ARL15: variants seen among roughly 807,000 people sequenced by gnomAD.
ARL15 encodes ARF like GTPase 15.
ARL15 carries 19 observed loss-of-function variants against 25.2 expected under a neutral mutation model. The ratio of observed to expected loss-of-function variants is 0.75; its 90% confidence interval spans 0.53 to 1.10. The LOEUF (loss-of-function observed/expected upper bound fraction) is 1.10. Ranked by LOEUF, ARL15 falls within the 50% of genes least tolerant of loss-of-function variation. The pLI is 0.00. For synonymous variants in ARL15, 94 were observed against 86.8 expected (o/e 1.08, Z -0.46); for missense variants, 220 against 246.0 (o/e 0.89, Z 0.71).
intron 4 of ARL15, among the ~76,000 whole-genome samples, chr5:54,031,786 T>G (rs1749993769): frequency 1.3e-5 from 2 of 152,072 alleles, no homozygotes; most frequent in South Asian, 4.2e-4. Context: ...TAAATGCAGT[T>G]TCCCCATGAC....
chr5:54,285,307 G>A (rs1007864918), intron 1 of ARL15: 1 of 831,788 alleles, frequency 1.2e-6, no homozygotes, highest in Non-Finnish European at 1.4e-6. Context: ...GACAGAAAAA[G>A]AATACTAAAT....
At chr5:54,144,816 C>T (rs1369848859) in intron 3 of ARL15, among the ~76,000 whole-genome samples, 1 of 152,152 alleles carries the variant, frequency 6.6e-6, no homozygotes, top group Non-Finnish European at 1.5e-5. Flanking sequence ...GGGTCTAGCA[C>T]CCACACTCAA....
intron 4 of ARL15, among the ~76,000 whole-genome samples, chr5:53,918,859 G>A (rs1299996928): frequency 6.6e-6 from 1 of 151,648 alleles, no homozygotes; most frequent in African/African-American, 2.4e-5. Context: ...ATTTTCGAAG[G>A]TCCATTAAAC....
chr5:54,089,840 G>T (rs1752080874), intron 4 of ARL15, among the ~76,000 whole-genome samples: 1 of 152,084 alleles, frequency 6.6e-6, no homozygotes, highest in Non-Finnish European at 1.5e-5. Context: ...AAAAGTCTAG[G>T]TTTTCTGGCT....
intron 1 of ARL15, among the ~76,000 whole-genome samples, chr5:54,298,711 T>C (rs139127796): frequency 6.6e-6 from 1 of 152,112 alleles, no homozygotes; most frequent in African/African-American, 2.4e-5. Context: ...CTGACACGAA[T>C]TCAGTGGTCA....
chr5:54,016,734 T>G (rs910237171), intron 4 of ARL15, among the ~76,000 whole-genome samples: 3 of 152,238 alleles, frequency 2.0e-5, no homozygotes, highest in Admixed American at 1.3e-4. Flanking sequence ...CTTACCTCAG[T>G]ACAGTCTATG....
chr5:54,072,770 A>T (rs1172559520), intron 4 of ARL15, among the ~76,000 whole-genome samples: 2 of 152,170 alleles, frequency 1.3e-5, no homozygotes, highest in Non-Finnish European at 2.9e-5. Context: ...ATGTATCAAA[A>T]TTTCCTTTTC....
intron 3 of ARL15, among the ~76,000 whole-genome samples, chr5:54,152,316 C>T (rs1754090462): frequency 6.6e-6 from 1 of 152,120 alleles, no homozygotes; most frequent in African/African-American, 2.4e-5. Context: ...CTAGCATACA[C>T]GTTAACTCCT....
At chr5:53,975,452 G>T (rs1459434973) in intron 4 of ARL15, among the ~76,000 whole-genome samples, 2 of 152,190 alleles carry the variant, frequency 1.3e-5, no homozygotes, top group Non-Finnish European at 2.9e-5. Flanking sequence ...AGTTCTCAAG[G>T]ATCTTGGCCT....
At chr5:54,287,228 G>C (rs250384) in intron 1 of ARL15, among the ~76,000 whole-genome samples, 42,097 of 151,714 alleles carry the variant, frequency 0.28, 7,052 homozygotes, top group African/African-American at 0.48. Flanking sequence ...GTTAAGTATA[G>C]AAACATAAAG....
intron 4 of ARL15, among the ~76,000 whole-genome samples, chr5:53,890,143 A>G (rs963576720): frequency 6.6e-6 from 1 of 152,146 alleles, no homozygotes; most frequent in Non-Finnish European, 1.5e-5. Flanking sequence ...GTTATCTTAT[A>G]TCAATCTGAA....
intron 4 of ARL15, among the ~76,000 whole-genome samples, chr5:53,977,228 G>A (rs1747962020): frequency 6.6e-6 from 1 of 151,934 alleles, no homozygotes; most frequent in African/African-American, 2.4e-5. Context: ...GTGGTGGCGG[G>A]CGCCTGTAGT....
At position 54,096,345 on chromosome 5, in the gene ARL15, C is replaced by A. The variant is rs193219080; in HGVS notation, c.462+16857G>T. 4.2e-3 allele frequency among the ~76,000 whole-genome samples: 635 copies of A among 152,196 alleles called. 3 individuals are homozygous for A. Among genetic ancestry groups the A allele is most frequent in the African/African-American group, 0.014 (589 of 41,528 alleles). On this transcript the variant is annotated intron_variant, in intron 4 of 4. Transcript: ENST00000504924. Reference sequence around the variant, plus strand: ...ACAATGGTGGCACACAATAAGTGTGCAAAAAATATTGTTTGAAGAGAATGA... The same window carrying A: ...ACAATGGTGGCACACAATAAGTGTGAAAAAAATATTGTTTGAAGAGAATGA...
intron 3 of ARL15, among the ~76,000 whole-genome samples, chr5:54,128,502 T>C (rs969086521): frequency 4.6e-5 from 7 of 152,268 alleles, no homozygotes; most frequent in East Asian, 3.9e-4. Context: ...CTAACAAGTA[T>C]GTATTGAGTA....
At position 54,134,815 on chromosome 5, in the gene ARL15, C is replaced by T. The variant is rs1448533490; in HGVS notation, c.253+19765G>A. Among the ~76,000 whole-genome samples the T allele has an allele frequency of 4.6e-5, 7 of 151,872 alleles. No homozygotes were observed. In the South Asian group the frequency reaches 1.2e-3, roughly 27 times the overall value. On this transcript the variant is annotated intron_variant, in intron 3 of 4. Transcript: ENST00000504924. ...GGACAGGATGGTCTCAATCTCTTGA[C>T]ATGGTGATCTGCCCACCTCGGCCTC...
chr5:53,934,964 A>C (rs1746309328), intron 4 of ARL15, among the ~76,000 whole-genome samples: 3 of 152,318 alleles, frequency 2.0e-5, no homozygotes, highest in South Asian at 4.1e-4. Context: ...GCAGAAAAGC[A>C]TTCTCACATG....
chr5:54,139,296 A>T (rs910287839), intron 3 of ARL15, among the ~76,000 whole-genome samples: 1 of 152,232 alleles, frequency 6.6e-6, no homozygotes, highest in African/African-American at 2.4e-5. Context: ...AGATAAAGAA[A>T]ATGTGGTACA....
chr5:54,114,468 T>C (rs1196140244), intron 3 of ARL15, among the ~76,000 whole-genome samples: 2 of 147,294 alleles, frequency 1.4e-5, no homozygotes, highest in African/African-American at 5.0e-5. Flanking sequence ...TGTCATGTAG[T>C]ATTCCTCTTT....
At chr5:54,117,281 AC>A (rs1204365802) in intron 3 of ARL15, among the ~76,000 whole-genome samples, 2 of 151,934 alleles carry the variant, frequency 1.3e-5, no homozygotes, top group African/African-American at 4.8e-5. Context: ...TGGAAATTCA[AC>A]TTGTGCAGTC....
Sources: gnomAD v4.1 joint callset for allele counts (sites outside exome capture counted in the v4.1 genomes callset) on GRCh38, gnomAD v4.1.1 for gene constraint, MANE v1.5 for transcripts, NCBI Gene and HGNC (gene_info 2026-07-23, HGNC 2026-07-21) for gene names.